ALMS1: variants seen among roughly 807,000 people sequenced by gnomAD.
The protein encoded by ALMS1 is centrosome-associated protein ALMS1.
In ALMS1, 271 loss-of-function variants were observed where a neutral mutation model predicts 352.2. That is an observed-to-expected ratio of 0.77 (90% confidence interval 0.70 to 0.85). The LOEUF (loss-of-function observed/expected upper bound fraction) is 0.85. Among genes scored for constraint, ALMS1 ranks in the 40% least tolerant of loss-of-function variants. The probability of loss-of-function intolerance (pLI) is 0.00; values close to 1 mark genes in which losing one functional copy is unlikely to be tolerated. For missense variants in ALMS1, 5,445 were observed against 4,870.7 expected (o/e 1.12, Z -3.51); for synonymous variants, 1,865 against 1,761.2 (o/e 1.06, Z -1.48).
chr2:73,476,876 T>C (rs1083922), intron 9 of ALMS1, among the ~76,000 whole-genome samples: 77,239 of 151,866 alleles, frequency 0.51, 22,605 homozygotes, highest in East Asian at 0.77. Flanking sequence ...GAAACTGACC[T>C]GTAAGTGAAG....
chr2:73,515,768 T>TACACACACACACAC lies in ALMS1; in HGVS notation c.9540-3983_9540-3970dup, dbSNP rs71406825. Among the ~76,000 whole-genome samples, 451 of 141,562 alleles carry TACACACACACACAC rather than the reference T, an allele frequency of 3.2e-3. 3 individuals are homozygous for TACACACACACACAC. The highest frequency in any genetic ancestry group is 0.01 in the African/African-American group (390 of 38,402). The allele number at this position is 141,562 out of a possible 152,430, so 92.9% of individuals were successfully genotyped here. A position where few individuals can be genotyped will look rare whatever the true frequency, so the allele number is the denominator to read the frequency against. ...GACATTATCACTGACTCCACAGAAA[T>TACACACACACACAC]ACACACACACACACACACACACACA... On this transcript the variant is annotated intron_variant, in intron 10 of 22. Transcript: ENST00000613296.
rs878854995 is a variant in ALMS1, at chr2:73,573,140, T to A, written c.11263T>A (p.Ser3755Thr). The change falls in exon 16 of 23, where the codon TCC becomes ACC. Residue 3755 changes from serine to threonine, a missense_variant. Coordinates refer to ENST00000613296, the MANE Select transcript of ALMS1 (RefSeq NM_001378454.1). ...LLTDTTTNIL[S>T]GTTSTVESDI... Reference sequence around the variant, plus strand: ...CACAGATACTACCACCAACATCCTTTCCGGCACCACTTCTACTGTCGAATC... The same window carrying A: ...CACAGATACTACCACCAACATCCTTACCGGCACCACTTCTACTGTCGAATC... 4 of 1,613,940 alleles carry A rather than the reference T, an allele frequency of 2.5e-6. No individual in the cohort carries two copies. The highest frequency in any genetic ancestry group is 3.4e-6 in the Non-Finnish European group (4 of 1,179,974).
intron 1 of ALMS1, among the ~76,000 whole-genome samples, chr2:73,405,924 A>C (rs1446165687): frequency 6.6e-6 from 1 of 152,134 alleles, no homozygotes; most frequent in Non-Finnish European, 1.5e-5. Context: ...AAAGATACCT[A>C]ATACTTTGTG....
At chr2:73,544,102 AT>A (rs1436070902) in intron 12 of ALMS1, among the ~76,000 whole-genome samples, 6 of 152,208 alleles carry the variant, frequency 3.9e-5, no homozygotes, top group Non-Finnish European at 7.3e-5. Context: ...AATAACAAAG[AT>A]TTGGAACCAA....
At chr2:73,608,711 G>T (rs1675873522) in intron 22 of ALMS1, 137 bp downstream of exon 22, 1 of 742,384 alleles carries the variant, frequency 1.3e-6, no homozygotes, top group Non-Finnish European at 2.4e-6. Flanking sequence ...CACTGGACCA[G>T]TGTTGAAATT....
At chr2:73,541,719 A>G (rs1390650871) in intron 12 of ALMS1, among the ~76,000 whole-genome samples, 4 of 152,232 alleles carry the variant, frequency 2.6e-5, no homozygotes, top group Non-Finnish European at 4.4e-5. Context: ...ACAAACTACC[A>G]TCAGAGAATA....
intron 1 of ALMS1, among the ~76,000 whole-genome samples, chr2:73,400,036 C>G (rs945009656): frequency 6.6e-5 from 10 of 150,810 alleles, no homozygotes; most frequent in African/African-American, 2.4e-4. Context: ...CTCCAAGGCT[C>G]AAGCCGTCCT....
chr2:73,502,266 T>A (rs889060939), intron 10 of ALMS1, among the ~76,000 whole-genome samples: 1 of 152,148 alleles, frequency 6.6e-6, no homozygotes, highest in Non-Finnish European at 1.5e-5. Flanking sequence ...GTTCAGTAAC[T>A]CCTCTAAGAT....
intron 10 of ALMS1, among the ~76,000 whole-genome samples, chr2:73,505,333 C>T (rs1673298955): frequency 2.0e-5 from 3 of 152,184 alleles, no homozygotes; most frequent in Admixed American, 6.5e-5. Flanking sequence ...TTTACACTTC[C>T]ACCAACAGCA....
chr2:73,453,422 A>G lies in ALMS1; in HGVS notation c.6895A>G (p.Lys2299Glu). The change falls in exon 8 of 23, where the codon AAG becomes GAG. Residue 2299 changes from lysine (K) to glutamate (E), a missense_variant. Physicochemically the swap from Lys to Glu is moderately conservative, Grantham distance 56. Transcript: ENST00000613296. ...ISDISFIQSK[K>E]VVCFKEPSST... is the part of the protein sequence containing the mutation. The stretch of plus-strand genomic sequence containing the variant: ...TGATATTTCATTTATACAATCTAAG[A>G]AGGTGGTTTGCTTCAAAGAACCCTC... The G allele has an allele frequency of 6.2e-7, 1 of 1,613,480 alleles. No individual in the cohort carries two copies. Among genetic ancestry groups the G allele is most frequent in the Non-Finnish European group, 8.5e-7 (1 of 1,179,686 alleles).
intron 16 of ALMS1, among the ~76,000 whole-genome samples, chr2:73,594,555 C>G (rs1461854213): frequency 6.6e-6 from 1 of 152,216 alleles, no homozygotes; most frequent in African/African-American, 2.4e-5. Flanking sequence ...CCCATCAACA[C>G]TTCTGCTGCA....
chr2:73,428,633 C>G (rs1671441691), intron 6 of ALMS1, among the ~76,000 whole-genome samples: 1 of 152,174 alleles, frequency 6.6e-6, no homozygotes, highest in Non-Finnish European at 1.5e-5. Flanking sequence ...ACCACTGCTC[C>G]AAATTTTAAT....
intron 12 of ALMS1, 67 bp from the exon 13 acceptor site, chr2:73,550,200 T>C (rs1326879881): frequency 1.9e-6 from 3 of 1,590,892 alleles, no homozygotes; most frequent in East Asian, 4.5e-5. Context: ...GAGGCAAATT[T>C]TTAAAAAGTC....
rs1186546429 is a variant in ALMS1, at chr2:73,424,680, TATG to T, written c.1021_1023del (p.Asp341del). 1 of 1,614,146 alleles carries T rather than the reference TATG, an allele frequency of 6.2e-7. No individual in the cohort carries two copies. The highest frequency in any genetic ancestry group is 1.7e-5 in the Admixed American group (1 of 59,988). On this transcript the variant is annotated inframe_deletion, in exon 5 of 23. Coordinates refer to ENST00000613296, the MANE Select transcript of ALMS1 (RefSeq NM_001378454.1). ...GAAAATTCCCAAAGACTGTGATCGT[TATG>T]ATGATCTTTGTTCATATATGTCATG...
chr2:73,536,864 T>G (rs1674040276), intron 12 of ALMS1, among the ~76,000 whole-genome samples: 1 of 152,076 alleles, frequency 6.6e-6, no homozygotes, highest in Non-Finnish European at 1.5e-5. Flanking sequence ...TCAAGAAAAA[T>G]GGCCAAATCC....
At chr2:73,461,288 G>A (rs542857848) in intron 9 of ALMS1, among the ~76,000 whole-genome samples, 9 of 152,324 alleles carry the variant, frequency 5.9e-5, no homozygotes, top group South Asian at 2.1e-4. Flanking sequence ...ACCAATATCC[G>A]CTGTTCTACA....
intron 9 of ALMS1, among the ~76,000 whole-genome samples, chr2:73,485,816 G>A (rs1572965357): frequency 6.6e-6 from 1 of 152,272 alleles, no homozygotes; most frequent in South Asian, 2.1e-4. Flanking sequence ...CGCAGTATTC[G>A]GGTGGGAGTG....
At chr2:73,492,102 C>T (rs945393705) in intron 10 of ALMS1, among the ~76,000 whole-genome samples, 10 of 152,172 alleles carry the variant, frequency 6.6e-5, no homozygotes, top group Non-Finnish European at 4.4e-5. Flanking sequence ...AAACCCAATT[C>T]AGGGATAAGT....
chr2:73,609,895 G>T lies in ALMS1; in HGVS notation c.*283G>T. The T allele has an allele frequency of 2.5e-6, 1 of 407,732 alleles. No homozygotes were observed. Among genetic ancestry groups the T allele is most frequent in the Non-Finnish European group, 4.5e-6 (1 of 220,624 alleles). The allele number at this position is 407,732 out of a possible 1,614,324, so 25.3% of individuals were successfully genotyped here. A position where few individuals can be genotyped will look rare whatever the true frequency, so the allele number is the denominator to read the frequency against. ...TTTTGTATGTGTTTTTATACTTTTA[G>T]AAAATAAAAACTTTAGATTAACTCA... On this transcript the variant is annotated 3_prime_UTR_variant, in exon 23 of 23. Coordinates refer to ENST00000613296, the MANE Select transcript of ALMS1 (RefSeq NM_001378454.1).
Sources: gnomAD v4.1 joint callset for allele counts (sites outside exome capture counted in the v4.1 genomes callset) on GRCh38, gnomAD v4.1.1 for gene constraint, MANE v1.5 for transcripts, NCBI Gene and HGNC (gene_info 2026-07-23, HGNC 2026-07-21) for gene names.